Variants in SNTG1 observed in about 807,000 individuals in gnomAD.
The protein encoded by SNTG1 is gamma-1-syntrophin.
In SNTG1, 39 loss-of-function variants were observed where a neutral mutation model predicts 74.7. The ratio of observed to expected loss-of-function variants is 0.52; its 90% CI spans 0.40 to 0.68. The LOEUF (loss-of-function observed/expected upper bound fraction) is 0.68. Among genes scored for constraint, SNTG1 ranks in the 30% least tolerant of loss-of-function variants. The pLI is 0.00. For missense variants in SNTG1, 685 were observed against 609.5 expected (o/e 1.12, Z -1.30); for synonymous variants, 254 against 217.1 (o/e 1.17, Z -1.49).
intron 13 of SNTG1, among the ~76,000 whole-genome samples, chr8:50,633,472 G>A (rs935202993): frequency 3.9e-5 from 6 of 152,192 alleles, no homozygotes; most frequent in African/African-American, 1.4e-4. Flanking sequence ...GAGAACAGGT[G>A]CATAAAGCTT....
intron 4 of SNTG1, among the ~76,000 whole-genome samples, chr8:50,410,651 T>G (rs1348419231): frequency 6.6e-6 from 1 of 152,196 alleles, no homozygotes; most frequent in African/African-American, 2.4e-5. Context: ...TTGTACCTTT[T>G]TATCAGCACC....
rs780397244 is a variant in SNTG1 at position 50,502,867 on chromosome 8, T to A, written c.453T>A (p.Asn151Lys). The change falls in exon 9 of 19, where the codon AAT becomes AAA. Residue 151 changes from asparagine (N) to lysine (K), a missense_variant. Transcript: ENST00000642720. ...RAPAFLKLPL[N>K]EDCACAPSDQ... ...CTGCTTTCCTCAAACTCCCATTGAA[T>A]GAAGATTGTGCATGTAAGCATTTAT... 8.7e-6 allele frequency: 14 copies of A among 1,612,504 alleles called. No individual in the cohort carries two copies. The highest frequency in any genetic ancestry group is 1.2e-5 in the Non-Finnish European group (14 of 1,178,828).
At chr8:50,649,008 G>A (rs1297260435) in intron 13 of SNTG1, among the ~76,000 whole-genome samples, 1 of 152,040 alleles carries the variant, frequency 6.6e-6, no homozygotes, top group Admixed American at 6.6e-5. Context: ...TTAACATGAT[G>A]TTCCTTGAGA....
intron 10 of SNTG1, among the ~76,000 whole-genome samples, chr8:50,531,099 G>T (rs2094263379): frequency 6.6e-6 from 1 of 152,116 alleles, no homozygotes; most frequent in Non-Finnish European, 1.5e-5. Context: ...CAAAATAGTG[G>T]CATTTTACTT....
At chr8:49,926,598 A>G (rs1406508850) in intron 1 of SNTG1, among the ~76,000 whole-genome samples, 2 of 152,160 alleles carry the variant, frequency 1.3e-5, no homozygotes, top group Non-Finnish European at 2.9e-5. Flanking sequence ...ACTTAAAGTG[A>G]ATCATTCATC....
chr8:50,320,974 AAT>A (rs1451907184), intron 2 of SNTG1, among the ~76,000 whole-genome samples: 2 of 152,102 alleles, frequency 1.3e-5, no homozygotes, highest in Admixed American at 6.5e-5. Context: ...TGAGGAAAAA[AAT>A]ATGTATTTTG....
chr8:50,087,127 A>G (rs1296302700), intron 1 of SNTG1, among the ~76,000 whole-genome samples: 1 of 152,030 alleles, frequency 6.6e-6, no homozygotes, highest in East Asian at 1.9e-4. Context: ...AGAGATTATC[A>G]TGTCTATTTT....
At chr8:50,759,696 G>A (rs1311769686) in intron 18 of SNTG1, among the ~76,000 whole-genome samples, 6 of 151,544 alleles carry the variant, frequency 4.0e-5, no homozygotes, top group Non-Finnish European at 8.9e-5. Context: ...GTATATATAT[G>A]TATATATATG....
At chr8:50,253,238 A>C (rs989686110) in intron 2 of SNTG1, among the ~76,000 whole-genome samples, 3 of 152,090 alleles carry the variant, frequency 2.0e-5, no homozygotes, top group Admixed American at 2.0e-4. Flanking sequence ...ATCCTGACCA[A>C]CATGGAGAAA....
chr8:50,604,916 C>A lies in SNTG1; in HGVS notation c.849+13999C>A, dbSNP rs140500013. Among the ~76,000 whole-genome samples, 233 of 152,280 alleles carry A rather than the reference C, an allele frequency of 1.5e-3. 1 individual carries two copies. Among genetic ancestry groups the A allele is most frequent in the African/African-American group, 5.4e-3 (223 of 41,562 alleles). ...AGGCCATGGCATACGAACAAGGTAT[C>A]CCTGCAGGTTATTCAGGGCCCAAAG... On this transcript the variant is annotated intron_variant, in intron 13 of 18. Transcript: ENST00000642720.
At chr8:50,454,908 T>A (rs1484753423) in intron 8 of SNTG1, among the ~76,000 whole-genome samples, 3 of 150,604 alleles carry the variant, frequency 2.0e-5, no homozygotes, top group Non-Finnish European at 4.4e-5. Context: ...TTTCTGAGGC[T>A]GAGTACTTTG....
intron 3 of SNTG1, among the ~76,000 whole-genome samples, chr8:50,399,693 C>T (rs943700218): frequency 2.7e-4 from 21 of 78,090 alleles, no homozygotes; most frequent in African/African-American, 8.0e-4. Flanking sequence ...CTCAGAGTGG[C>T]TTCCCCCCTC....
intron 9 of SNTG1, among the ~76,000 whole-genome samples, chr8:50,518,016 C>T (rs558253403): frequency 6.6e-6 from 1 of 152,120 alleles, no homozygotes; most frequent in Non-Finnish European, 1.5e-5. Context: ...CTTCTTAGCA[C>T]CACATCACAC....
At chr8:50,534,453 T>G (rs1033586497) in intron 10 of SNTG1, among the ~76,000 whole-genome samples, 6 of 152,122 alleles carry the variant, frequency 3.9e-5, no homozygotes, top group Non-Finnish European at 8.8e-5. Context: ...TTCTTCATGT[T>G]CCCTCATGAA....
intron 1 of SNTG1, among the ~76,000 whole-genome samples, chr8:50,069,124 G>C (rs977450921): frequency 1.3e-5 from 2 of 152,136 alleles, no homozygotes; most frequent in African/African-American, 4.8e-5. Context: ...TGACAGAAAA[G>C]GTTTATAAAG....
At chr8:50,642,292 C>A (rs1476560014) in intron 13 of SNTG1, among the ~76,000 whole-genome samples, 1 of 152,136 alleles carries the variant, frequency 6.6e-6, no homozygotes, top group Admixed American at 6.5e-5. Flanking sequence ...ACCTGCTTTG[C>A]TACAACAGCA....
intron 1 of SNTG1, among the ~76,000 whole-genome samples, chr8:50,060,696 T>C (rs931259919): frequency 6.6e-6 from 1 of 152,046 alleles, no homozygotes; most frequent in Non-Finnish European, 1.5e-5. Context: ...CTACAGCTTT[T>C]TAAAATGCTA....
At chr8:50,136,868 T>C (rs1011614839) in intron 1 of SNTG1, among the ~76,000 whole-genome samples, 5 of 151,988 alleles carry the variant, frequency 3.3e-5, no homozygotes, top group Non-Finnish European at 5.9e-5. Context: ...TAACTTGTGG[T>C]CCATGCTACC....
intron 1 of SNTG1, among the ~76,000 whole-genome samples, chr8:50,061,980 C>T (rs1487289110): frequency 6.6e-6 from 1 of 152,080 alleles, no homozygotes; most frequent in Non-Finnish European, 1.5e-5. Context: ...TCACATCTTC[C>T]ATATCCTTGC....
Sources: gnomAD v4.1 joint callset for allele counts (sites outside exome capture counted in the v4.1 genomes callset) on GRCh38, gnomAD v4.1.1 for gene constraint, MANE v1.5 for transcripts, NCBI Gene and HGNC (gene_info 2026-07-23, HGNC 2026-07-21) for gene names.